IFT43: variants seen among roughly 807,000 people sequenced by gnomAD.
IFT43 encodes intraflagellar transport 43, also known as intraflagellar transport protein 43 homolog.
A neutral mutation model predicts 32.3 loss-of-function variants in IFT43; 33 were observed. The ratio of observed to expected loss-of-function variants is 1.02; its 90% confidence interval spans 0.77 to 1.37. The LOEUF is 1.37. IFT43 is among the 40% of genes most tolerant of loss of function. The pLI is 0.00. For missense variants in IFT43, 274 were observed against 265.9 expected (o/e 1.03, Z -0.21); for synonymous variants, 93 against 98.2 (o/e 0.95, Z 0.31).
intron 1 of IFT43, among the ~76,000 whole-genome samples, chr14:75,987,001 G>C (rs2035542947): frequency 6.6e-6 from 1 of 152,158 alleles, no homozygotes; most frequent in African/African-American, 2.4e-5. Context: ...ATGTTGTAGT[G>C]GGAGAAGATG....
chr14:76,050,756 C>G (rs560420784), intron 3 of IFT43, among the ~76,000 whole-genome samples: 3 of 152,158 alleles, frequency 2.0e-5, no homozygotes, highest in Non-Finnish European at 4.4e-5. Flanking sequence ...CCTCTCACTC[C>G]TGCCTAGTAG....
At chr14:76,060,267 G>T (rs1397114144) in intron 5 of IFT43, among the ~76,000 whole-genome samples, 4 of 151,998 alleles carry the variant, frequency 2.6e-5, no homozygotes, top group African/African-American at 7.2e-5. Context: ...ACCCAGACTG[G>T]AGTGCAGTGG....
At chr14:76,078,656 T>C (rs527836119) in intron 5 of IFT43, among the ~76,000 whole-genome samples, 440 of 152,336 alleles carry the variant, frequency 2.9e-3, no homozygotes, top group African/African-American at 9.9e-3. Context: ...CAGGGAGCAG[T>C]GCACAAGGCA....
chr14:76,044,416 C>G (rs1046712944), intron 3 of IFT43, among the ~76,000 whole-genome samples: 3 of 152,214 alleles, frequency 2.0e-5, no homozygotes, highest in African/African-American at 7.2e-5. Flanking sequence ...GTAGGAGCTT[C>G]TGTTCCCATG....
chr14:76,004,994 A>G (rs1161481856), intron 2 of IFT43, among the ~76,000 whole-genome samples: 3 of 152,190 alleles, frequency 2.0e-5, no homozygotes, highest in African/African-American at 7.2e-5. Context: ...CCTTGAACAT[A>G]TAGCTGCTTA....
intron 3 of IFT43, among the ~76,000 whole-genome samples, chr14:76,038,995 G>A (rs1321178313): frequency 1.3e-5 from 2 of 152,150 alleles, no homozygotes; most frequent in Admixed American, 1.3e-4. Context: ...GTACAGTGAG[G>A]TGGGTACTTC....
chr14:76,074,389 G>A (rs887781607), intron 5 of IFT43, among the ~76,000 whole-genome samples: 2 of 152,118 alleles, frequency 1.3e-5, no homozygotes, highest in Non-Finnish European at 2.9e-5. Context: ...ACGAGGCTCT[G>A]AGAGAGCTAC....
intron 5 of IFT43, among the ~76,000 whole-genome samples, chr14:76,078,726 C>T (rs1415448351): frequency 4.6e-5 from 7 of 152,210 alleles, no homozygotes; most frequent in South Asian, 2.1e-4. Flanking sequence ...GGCCGTGTGA[C>T]GGTGGCACTG....
At chr14:76,005,039 CTGTT>C (rs1251552895) in intron 2 of IFT43, among the ~76,000 whole-genome samples, 3 of 152,194 alleles carry the variant, frequency 2.0e-5, no homozygotes, top group Non-Finnish European at 4.4e-5. Context: ...AAGTTCTTGT[CTGTT>C]AATTCTAACA....
At chr14:76,031,104 GT>G (rs2036502946) in intron 3 of IFT43, among the ~76,000 whole-genome samples, 1 of 148,524 alleles carries the variant, frequency 6.7e-6, no homozygotes, top group African/African-American at 2.5e-5. Flanking sequence ...GTATATATAA[GT>G]TTTTATATTT....
At chr14:76,045,856 A>C (rs1044468585) in intron 3 of IFT43, among the ~76,000 whole-genome samples, 8 of 152,246 alleles carry the variant, frequency 5.3e-5, no homozygotes, top group African/African-American at 1.9e-4. Context: ...ACAGATTTTT[A>C]GTTGGGCTCA....
chr14:76,015,603 GC>G (rs2139936956), intron 2 of IFT43, among the ~76,000 whole-genome samples: 1 of 152,270 alleles, frequency 6.6e-6, no homozygotes, highest in East Asian at 1.9e-4. Context: ...AACTGTATTG[GC>G]TTTGGAGGAG....
intron 3 of IFT43, among the ~76,000 whole-genome samples, chr14:76,043,892 T>C (rs1220468736): frequency 1.3e-5 from 2 of 152,150 alleles, no homozygotes; most frequent in Non-Finnish European, 2.9e-5. Flanking sequence ...CCCTGGGTTG[T>C]TTTACCTGTG....
chr14:76,076,634 G>T lies in IFT43; in HGVS notation c.296-5661G>T, dbSNP rs150373788. ...AGGCAAACAACAGCTGGATCTGAAC[G>T]CATGCTATCACAAAACGCATCACAG... On this transcript the variant is annotated intron_variant, in intron 5 of 8. Transcript: ENST00000314067. The T allele has an allele frequency of 3.5e-5, 56 of 1,613,980 alleles. No homozygotes were observed. The highest frequency in any genetic ancestry group is 3.9e-5 in the Non-Finnish European group (46 of 1,179,960).
chr14:76,061,071 T>G (rs760783255), intron 5 of IFT43, among the ~76,000 whole-genome samples: 85 of 152,138 alleles, frequency 5.6e-4, no homozygotes, highest in Non-Finnish European at 9.3e-4. Flanking sequence ...CTGGCTAATT[T>G]GTGTATTTTT....
intron 5 of IFT43, 135 bp from the exon 6 acceptor site, chr14:76,082,160 T>G (rs2037521634): frequency 1.2e-6 from 1 of 805,762 alleles, no homozygotes. Flanking sequence ...ACCCCTAGTT[T>G]GTATCTGAGT....
At chr14:76,005,399 A>G (rs906306704) in intron 2 of IFT43, among the ~76,000 whole-genome samples, 15 of 152,192 alleles carry the variant, frequency 9.9e-5, no homozygotes, top group African/African-American at 3.4e-4. Flanking sequence ...GAAAGACCCA[A>G]TGTTTGTACC....
intron 5 of IFT43, among the ~76,000 whole-genome samples, chr14:76,077,691 A>C (rs540278952): frequency 6.6e-6 from 1 of 152,282 alleles, no homozygotes; most frequent in East Asian, 1.9e-4. Flanking sequence ...TAAGGAAGAG[A>C]CATGCATTTT....
intron 3 of IFT43, among the ~76,000 whole-genome samples, chr14:76,026,258 T>C (rs995121866): frequency 2.6e-5 from 4 of 152,104 alleles, no homozygotes; most frequent in Non-Finnish European, 5.9e-5. Flanking sequence ...ATGGCAGTTA[T>C]TAAAAAGTCA....
Sources: allele counts gnomAD v4.1 joint callset (sites outside exome capture counted in the v4.1 genomes callset), GRCh38; gene constraint gnomAD v4.1.1; transcripts MANE v1.5; gene names NCBI Gene and HGNC (gene_info 2026-07-23, HGNC 2026-07-21).